The following DOK5 variants were observed in gnomAD, a reference collection of about 807,000 sequenced individuals.
The protein encoded by DOK5 is docking protein 5.
In DOK5, 27 loss-of-function variants were observed where a neutral mutation model predicts 43.3. That is an observed-to-expected ratio of 0.62 (90% confidence interval 0.46 to 0.86). The LOEUF is 0.86. DOK5 is among the 40% of genes least tolerant of loss of function. DOK5 has a pLI of 0.00. For synonymous variants in DOK5, 146 were observed against 140.1 expected (o/e 1.04, Z -0.30); for missense variants, 373 against 392.9 (o/e 0.95, Z 0.43).
intron 1 of DOK5, among the ~76,000 whole-genome samples, chr20:54,512,729 T>A (rs1478945119): frequency 6.6e-6 from 1 of 152,112 alleles, no homozygotes; most frequent in Non-Finnish European, 1.5e-5. Flanking sequence ...ATTTCAATGG[T>A]GTATATTAGT....
chr20:54,549,082 C>A (rs1806477520), intron 1 of DOK5, among the ~76,000 whole-genome samples: 2 of 152,324 alleles, frequency 1.3e-5, no homozygotes, highest in South Asian at 2.1e-4. Context: ...TCGGGAAGCA[C>A]TTTTAGAAGT....
chr20:54,596,474 G>T (rs1243098803), intron 5 of DOK5, among the ~76,000 whole-genome samples: 2 of 152,124 alleles, frequency 1.3e-5, no homozygotes, highest in South Asian at 2.1e-4. Flanking sequence ...CTGCTCAGTG[G>T]CTCCGTTTCA....
chr20:54,507,561 G>A (rs1276348899), intron 1 of DOK5, among the ~76,000 whole-genome samples: 1 of 152,198 alleles, frequency 6.6e-6, no homozygotes, highest in African/African-American at 2.4e-5. Context: ...CACATTTCAA[G>A]TGCTTGAAAG....
chr20:54,480,951 C>CT (rs1373179207), intron 1 of DOK5, among the ~76,000 whole-genome samples: 26 of 113,788 alleles, frequency 2.3e-4, no homozygotes, highest in African/African-American at 6.1e-4. Context: ...ATCTATCTAT[C>CT]ATCTATCTAT....
intron 1 of DOK5, among the ~76,000 whole-genome samples, chr20:54,529,876 A>C (rs1020658146): frequency 1.3e-5 from 2 of 152,174 alleles, no homozygotes; most frequent in African/African-American, 4.8e-5. Flanking sequence ...TTGAAGTTTC[A>C]TCTATGTTGT....
intron 6 of DOK5, among the ~76,000 whole-genome samples, chr20:54,637,270 C>T (rs1319066466): frequency 2.6e-5 from 4 of 152,192 alleles, no homozygotes; most frequent in African/African-American, 4.8e-5. Context: ...GTATTTTATG[C>T]CACCAGGCAG....
At chr20:54,607,765 C>T (rs181273229) in intron 5 of DOK5, among the ~76,000 whole-genome samples, 4 of 152,198 alleles carry the variant, frequency 2.6e-5, no homozygotes, top group Admixed American at 2.6e-4. Flanking sequence ...TGCCTGTAGT[C>T]CCAGCTACTC....
intron 7 of DOK5, among the ~76,000 whole-genome samples, chr20:54,644,201 CTCT>C (rs1348093930): frequency 6.6e-6 from 1 of 152,208 alleles, no homozygotes; most frequent in Non-Finnish European, 1.5e-5. Flanking sequence ...TCCTAGTAAG[CTCT>C]TCTTCTAGAG....
chr20:54,649,919 G>A (rs1979618888), intron 7 of DOK5, among the ~76,000 whole-genome samples: 1 of 152,186 alleles, frequency 6.6e-6, no homozygotes, highest in African/African-American at 2.4e-5. Flanking sequence ...CACAAAGGGG[G>A]CTAATAGGGA....
chr20:54,641,414 T>C (rs142340451), intron 6 of DOK5, among the ~76,000 whole-genome samples: 192 of 152,328 alleles, frequency 1.3e-3, no homozygotes, highest in African/African-American at 4.5e-3. Context: ...TATTTTGGCT[T>C]TACTGAGTGA....
At chr20:54,605,014 T>A (rs370238617) in intron 5 of DOK5, among the ~76,000 whole-genome samples, 32,683 of 111,944 alleles carry the variant, frequency 0.29, 4,529 homozygotes, top group African/African-American at 0.44. Context: ...AAAAAAAAAA[T>A]ATATATATAT....
At chr20:54,477,484 G>T (rs1205521366) in intron 1 of DOK5, among the ~76,000 whole-genome samples, 2 of 152,088 alleles carry the variant, frequency 1.3e-5, no homozygotes, top group Non-Finnish European at 2.9e-5. Context: ...AGTTTCCTTG[G>T]TTTTCTTTTC....
At chr20:54,561,897 T>C (rs926552497) in intron 2 of DOK5, among the ~76,000 whole-genome samples, 4 of 152,206 alleles carry the variant, frequency 2.6e-5, no homozygotes, top group African/African-American at 7.2e-5. Flanking sequence ...CCTCAGGTGA[T>C]CCGCCCACCT....
intron 1 of DOK5, among the ~76,000 whole-genome samples, chr20:54,550,536 C>G (rs1355886790): frequency 6.6e-6 from 1 of 152,196 alleles, no homozygotes; most frequent in African/African-American, 2.4e-5. Context: ...TGGGCTCCCT[C>G]TCTCCTCCAC....
chr20:54,538,260 AG>A (rs1984025152), intron 1 of DOK5, among the ~76,000 whole-genome samples: 1 of 151,272 alleles, frequency 6.6e-6, no homozygotes, highest in Admixed American at 6.6e-5. Context: ...ATATTAAGGG[AG>A]GACCTAATAA....
intron 5 of DOK5, among the ~76,000 whole-genome samples, chr20:54,599,323 T>G (rs547464090): frequency 6.6e-6 from 1 of 152,356 alleles, no homozygotes; most frequent in East Asian, 1.9e-4. Context: ...TGGCCACTTG[T>G]TATTCATTAG....
At chr20:54,552,371 C>T (rs1368449599) in intron 1 of DOK5, among the ~76,000 whole-genome samples, 5 of 151,840 alleles carry the variant, frequency 3.3e-5, no homozygotes, top group African/African-American at 7.3e-5. Context: ...TCAAATGAAC[C>T]AACTATGTTA....
chr20:54,507,415 A>G (rs1245312940), intron 1 of DOK5, among the ~76,000 whole-genome samples: 1 of 152,242 alleles, frequency 6.6e-6, no homozygotes, highest in African/African-American at 2.4e-5. Flanking sequence ...TATTTAATCA[A>G]ATATATCCAA....
intron 6 of DOK5, among the ~76,000 whole-genome samples, chr20:54,622,924 C>G (rs570560968): frequency 6.6e-6 from 1 of 152,190 alleles, no homozygotes; most frequent in East Asian, 1.9e-4. Flanking sequence ...TTTAAAAACT[C>G]TTAAGATTTT....
Sources: gnomAD v4.1 joint callset for allele counts (sites outside exome capture counted in the v4.1 genomes callset) on GRCh38, gnomAD v4.1.1 for gene constraint, MANE v1.5 for transcripts, NCBI Gene and HGNC (gene_info 2026-07-23, HGNC 2026-07-21) for gene names.